The following SLC44A5 variants were observed in gnomAD, a reference collection of about 807,000 sequenced individuals.
The protein encoded by SLC44A5 is choline transporter-like protein 5.
A neutral mutation model predicts 101.8 loss-of-function variants in SLC44A5; 57 were observed. That is an observed-to-expected ratio of 0.56 (90% CI 0.45 to 0.70). The LOEUF is 0.70. Among genes scored for constraint, SLC44A5 ranks in the 30% least tolerant of loss-of-function variants. The probability of loss-of-function intolerance (pLI) is 0.00; values close to 1 mark genes in which losing one functional copy is unlikely to be tolerated. For synonymous variants in SLC44A5, 281 were observed against 290.9 expected (o/e 0.97, Z 0.35); for missense variants, 737 against 853.1 (o/e 0.86, Z 1.70).
intron 2 of SLC44A5, among the ~76,000 whole-genome samples, chr1:75,485,855 G>T (rs2101794994): frequency 6.6e-6 from 1 of 152,226 alleles, no homozygotes; most frequent in African/African-American, 2.4e-5. Flanking sequence ...TTACATAGTG[G>T]CAGGAGAGAT....
chr1:75,353,776 A>G (rs892005834), intron 3 of SLC44A5, among the ~76,000 whole-genome samples: 3 of 152,226 alleles, frequency 2.0e-5, no homozygotes, highest in Non-Finnish European at 4.4e-5. Context: ...TAATGATGAC[A>G]AAGTCACAAG....
upstream of SLC44A5, chr1:75,611,151 C>T: frequency 1.0e-6 from 1 of 955,396 alleles, no homozygotes; most frequent in African/African-American, 1.8e-5. Flanking sequence ...ACATTGTGTT[C>T]CAGTATCACT....
chr1:75,474,070 C>A (rs1402660943), intron 2 of SLC44A5, among the ~76,000 whole-genome samples: 1 of 152,138 alleles, frequency 6.6e-6, no homozygotes, highest in Non-Finnish European at 1.5e-5. Flanking sequence ...AGCAGATTTG[C>A]TGCTTCATTG....
At chr1:75,722,548 T>C in the SLC44A5 span, among the ~76,000 whole-genome samples, 472 of 152,292 alleles carry the variant, frequency 3.1e-3, 2 homozygotes, top group Middle Eastern at 6.8e-3. Flanking sequence ...TTAGGCATAA[T>C]TGAAGCCTGT....
At chr1:75,465,178 A>G (rs1666746637) in intron 2 of SLC44A5, among the ~76,000 whole-genome samples, 1 of 152,186 alleles carries the variant, frequency 6.6e-6, no homozygotes, top group South Asian at 2.1e-4. Flanking sequence ...ATGAAATAAT[A>G]TCAGTCATCT....
intron 2 of SLC44A5, among the ~76,000 whole-genome samples, chr1:75,406,309 C>T (rs1219071574): frequency 6.6e-6 from 1 of 152,198 alleles, no homozygotes; most frequent in Non-Finnish European, 1.5e-5. Flanking sequence ...ACCATTCCTT[C>T]TGAAATTCTT....
At chr1:75,351,668 G>A (rs1254200365) in intron 3 of SLC44A5, among the ~76,000 whole-genome samples, 1 of 151,880 alleles carries the variant, frequency 6.6e-6, no homozygotes, top group African/African-American at 2.4e-5. Context: ...GTGCTTTGAT[G>A]TACCCGACTC....
chr1:75,339,371 T>G (rs1218832378), intron 4 of SLC44A5, among the ~76,000 whole-genome samples: 1 of 152,192 alleles, frequency 6.6e-6, no homozygotes, highest in Non-Finnish European at 1.5e-5. Flanking sequence ...GGCAGTTCAT[T>G]TGCTAATGGG....
rs769092543 is a variant in SLC44A5 at position 75,217,929 on chromosome 1, A to G, written c.1561T>C (p.Leu521=). ...AACATTTGAATTAATGCAATAATTA[A>G]AGATCCAAATGCTAGGGATCCTGTG... ...YHTGSLAFGS[L]IIALIQMFKI... Residue 521 remains leucine (L), a synonymous_variant, in exon 18 of 24, where the codon TTA becomes CTA. Coordinates refer to ENST00000370859, the MANE Select transcript of SLC44A5 (RefSeq NM_001130058.2). The G allele has an allele frequency of 5.6e-6, 9 of 1,605,760 alleles. No homozygotes were observed. The East Asian group carries it at 2.0e-4, about 36-fold the overall frequency.
At chr1:75,633,865 G>A in the SLC44A5 span, among the ~76,000 whole-genome samples, 1 of 152,144 alleles carries the variant, frequency 6.6e-6, no homozygotes, top group East Asian at 1.9e-4. Flanking sequence ...GTTTGTCACA[G>A]ATAGCTCTTA....
rs188018629 is a variant in SLC44A5, at chr1:75,351,942, A to G, written c.53-12312T>C. ...GGAAAGGCTCAATAAAGAGAGGGAT[A>G]ACATTGAATTACTAATATCTAGAAT... On this transcript the variant is annotated intron_variant, in intron 3 of 23. Transcript: ENST00000370859. Among the ~76,000 whole-genome samples the G allele has an allele frequency of 4.9e-4, 74 of 151,846 alleles. 1 individual carries two copies. The highest frequency in any genetic ancestry group is 3.2e-3 in the Admixed American group (48 of 15,238).
At chr1:75,255,220 G>A (rs1488258664) in intron 6 of SLC44A5, among the ~76,000 whole-genome samples, 3 of 151,974 alleles carry the variant, frequency 2.0e-5, no homozygotes, top group South Asian at 2.1e-4. Context: ...TAATTATGTA[G>A]CATCAGGCAT....
At chr1:75,660,480 T>C in the SLC44A5 span, among the ~76,000 whole-genome samples, 1 of 152,078 alleles carries the variant, frequency 6.6e-6, no homozygotes, top group South Asian at 2.1e-4. Context: ...CCAGAGCAAT[T>C]AGACAAAAGA....
intron 5 of SLC44A5, among the ~76,000 whole-genome samples, chr1:75,287,655 C>T (rs1056795185): frequency 6.6e-6 from 1 of 151,994 alleles, no homozygotes; most frequent in African/African-American, 2.4e-5. Flanking sequence ...TGATGTGGTG[C>T]TCTTCTCCTT....
chr1:75,293,342 C>G (rs569307922), intron 5 of SLC44A5, among the ~76,000 whole-genome samples: 1 of 152,306 alleles, frequency 6.6e-6, no homozygotes, highest in East Asian at 1.9e-4. Flanking sequence ...TAAAAGCCCT[C>G]TGTCAAGGAG....
chr1:75,528,470 G>A (rs940858617), intron 2 of SLC44A5, among the ~76,000 whole-genome samples: 1 of 152,086 alleles, frequency 6.6e-6, no homozygotes, highest in African/African-American at 2.4e-5. Flanking sequence ...CAACTTTAAC[G>A]TCTAGTGCAC....
chr1:75,436,298 T>C (rs1192637730), intron 2 of SLC44A5, among the ~76,000 whole-genome samples: 5 of 152,146 alleles, frequency 3.3e-5, no homozygotes, highest in Non-Finnish European at 7.4e-5. Context: ...TTCTGTATTA[T>C]ACATTTTTTT....
chr1:75,269,424 T>G (rs1039801766), intron 6 of SLC44A5, among the ~76,000 whole-genome samples: 3 of 152,124 alleles, frequency 2.0e-5, no homozygotes, highest in African/African-American at 7.2e-5. Context: ...TTGAAATTCT[T>G]CAAAATTTCT....
At chr1:75,307,358 C>G (rs949289195) in intron 4 of SLC44A5, among the ~76,000 whole-genome samples, 1 of 152,162 alleles carries the variant, frequency 6.6e-6, no homozygotes. Flanking sequence ...TCATCTGTTA[C>G]TGCTCTGATT....
Sources: allele counts gnomAD v4.1 joint callset (sites outside exome capture counted in the v4.1 genomes callset), GRCh38; gene constraint gnomAD v4.1.1; transcripts MANE v1.5; gene names NCBI Gene and HGNC (gene_info 2026-07-23, HGNC 2026-07-21).